PIK3C2G: variants seen among roughly 807,000 people sequenced by gnomAD.
The protein encoded by PIK3C2G is phosphatidylinositol 3-kinase C2 domain-containing subunit gamma.
Under a neutral mutation model 181.1 loss-of-function variants are expected in PIK3C2G, and 168 were observed. The observed-to-expected ratio is 0.93, with a 90% CI of 0.82 to 1.05. The LOEUF is 1.05. Ranked by LOEUF, PIK3C2G falls within the 50% of genes least tolerant of loss-of-function variation. PIK3C2G has a pLI of 0.00. For synonymous variants in PIK3C2G, 573 were observed against 592.2 expected (o/e 0.97, Z 0.47); for missense variants, 1,869 against 1,732.8 (o/e 1.08, Z -1.40).
intron 8 of PIK3C2G, among the ~76,000 whole-genome samples, chr12:18,332,929 T>C (rs1251975473): frequency 6.6e-6 from 1 of 152,170 alleles, no homozygotes; most frequent in African/African-American, 2.4e-5. Flanking sequence ...CTGGTAGGCG[T>C]CCATGGAAAA....
chr12:18,694,808 T>G, the PIK3C2G span: 6 of 960,478 alleles, frequency 6.2e-6, no homozygotes, highest in South Asian at 1.7e-5. Context: ...TAACAGAAAT[T>G]TAAAAGAAAT....
At chr12:18,552,115 A>G (rs1013158448) in intron 26 of PIK3C2G, among the ~76,000 whole-genome samples, 3 of 152,072 alleles carry the variant, frequency 2.0e-5, no homozygotes, top group Non-Finnish European at 2.9e-5. Flanking sequence ...ACAACTTTGA[A>G]GCCGTTGGAA....
intron 12 of PIK3C2G, among the ~76,000 whole-genome samples, chr12:18,366,414 T>A (rs573887930): frequency 6.6e-6 from 1 of 152,144 alleles, no homozygotes; most frequent in African/African-American, 2.4e-5. Flanking sequence ...GTACCTGTAA[T>A]CCCAGCTACT....
At chr12:18,457,181 G>A (rs1947675674) in intron 18 of PIK3C2G, among the ~76,000 whole-genome samples, 1 of 152,156 alleles carries the variant, frequency 6.6e-6, no homozygotes, top group African/African-American at 2.4e-5. Flanking sequence ...AGATTATACT[G>A]TATTGTGTAG....
chr12:18,578,609 T>C (rs545106225), intron 29 of PIK3C2G, among the ~76,000 whole-genome samples: 1 of 152,350 alleles, frequency 6.6e-6, no homozygotes, highest in East Asian at 1.9e-4. Flanking sequence ...TGAAACATTA[T>C]TGGCCTAAAG....
At chr12:18,699,681 G>T in the PIK3C2G span, 30 of 1,167,912 alleles carry the variant, frequency 2.6e-5, no homozygotes, top group Non-Finnish European at 3.7e-5. Context: ...TGTTAAATGT[G>T]TTGAAATTTT....
chr12:18,503,635 A>G (rs1565456840), intron 23 of PIK3C2G, among the ~76,000 whole-genome samples: 1 of 152,130 alleles, frequency 6.6e-6, no homozygotes, highest in Non-Finnish European at 1.5e-5. Flanking sequence ...CTGGTTATCA[A>G]TAAAGATTTT....
intron 3 of PIK3C2G, among the ~76,000 whole-genome samples, chr12:18,288,207 C>A (rs1591834088): frequency 1.3e-5 from 2 of 152,018 alleles, no homozygotes; most frequent in Non-Finnish European, 1.5e-5. Context: ...TATTTTAATT[C>A]TTTAGTTTTA....
intron 18 of PIK3C2G, among the ~76,000 whole-genome samples, chr12:18,470,235 C>A (rs1419307298): frequency 6.6e-6 from 1 of 151,932 alleles, no homozygotes; most frequent in Non-Finnish European, 1.5e-5. Context: ...TAGATCTAGA[C>A]CAGCATTTGG....
At chr12:18,720,131 TC>T in the PIK3C2G span, among the ~76,000 whole-genome samples, 1 of 152,148 alleles carries the variant, frequency 6.6e-6, no homozygotes, top group Admixed American at 6.5e-5. Context: ...GTACCTGGTT[TC>T]TTTTACTCAA....
chr12:18,684,195 T>C, the PIK3C2G span: 1 of 1,612,306 alleles, frequency 6.2e-7, no homozygotes, highest in Non-Finnish European at 8.5e-7. Flanking sequence ...TATTAAACCT[T>C]GACCTTCAAC....
chr12:18,660,541 G>A, the PIK3C2G span, among the ~76,000 whole-genome samples: 2 of 152,036 alleles, frequency 1.3e-5, no homozygotes, highest in African/African-American at 4.8e-5. Flanking sequence ...CACATATATA[G>A]AGGAAATTAG....
At chr12:18,338,594 ATACT>A (rs777345500) in intron 9 of PIK3C2G, 46 bp downstream of exon 9, 3 of 1,355,588 alleles carry the variant, frequency 2.2e-6, no homozygotes, top group Non-Finnish European at 3.1e-6. Flanking sequence ...CCTGAGTTCA[ATACT>A]TAATTAAGGA....
intron 2 of PIK3C2G, 131 bp downstream of exon 2, chr12:18,282,890 T>A (rs1430285287): frequency 8.3e-6 from 5 of 603,188 alleles, no homozygotes; most frequent in South Asian, 3.6e-5. Flanking sequence ...TTGAAAAAAA[T>A]TTTCACAAAT....
the PIK3C2G span, among the ~76,000 whole-genome samples, chr12:18,687,410 G>A: frequency 6.6e-6 from 1 of 152,100 alleles, no homozygotes; most frequent in African/African-American, 2.4e-5. Flanking sequence ...CAGTTCCAAT[G>A]TCTCCTTCAA....
At chr12:18,713,150 A>T in the PIK3C2G span, among the ~76,000 whole-genome samples, 3 of 152,140 alleles carry the variant, frequency 2.0e-5, no homozygotes, top group African/African-American at 4.8e-5. Flanking sequence ...AGTCTCTAGA[A>T]ATTTGCATTA....
At chr12:18,525,180 C>T (rs1943153661) in intron 24 of PIK3C2G, among the ~76,000 whole-genome samples, 1 of 151,906 alleles carries the variant, frequency 6.6e-6, no homozygotes, top group South Asian at 2.1e-4. Flanking sequence ...CACCTGAGGT[C>T]AGAAGTTTGA....
intron 31 of PIK3C2G, among the ~76,000 whole-genome samples, chr12:18,633,633 G>A (rs1949457062): frequency 6.6e-6 from 1 of 152,164 alleles, no homozygotes; most frequent in South Asian, 2.1e-4. Flanking sequence ...CTGTACTCCA[G>A]AAGTACTCTT....
chr12:18,667,667 G>T, the PIK3C2G span, among the ~76,000 whole-genome samples: 4 of 152,160 alleles, frequency 2.6e-5, no homozygotes, highest in Non-Finnish European at 5.9e-5. Flanking sequence ...ACAAGGCATT[G>T]TGCTACTGCT....
Sources: gnomAD v4.1 joint callset for allele counts (sites outside exome capture counted in the v4.1 genomes callset) on GRCh38, gnomAD v4.1.1 for gene constraint, MANE v1.5 for transcripts, NCBI Gene and HGNC (gene_info 2026-07-23, HGNC 2026-07-21) for gene names.